Variants in ELF5 observed in about 807,000 individuals in gnomAD.
ELF5 encodes the protein ETS-related transcription factor Elf-5.
Under a neutral mutation model 38.2 loss-of-function variants are expected in ELF5, and 31 were observed. The observed-to-expected ratio is 0.81, with a 90% CI of 0.61 to 1.10. The LOEUF (loss-of-function observed/expected upper bound fraction) is 1.10, where lower values mean the gene tolerates loss of function less well. Ranked by LOEUF, ELF5 falls within the 50% of genes least tolerant of loss-of-function variation. The pLI is 0.00. For missense variants in ELF5, 300 were observed against 306.6 expected (o/e 0.98, Z 0.16); for synonymous variants, 121 against 112.5 (o/e 1.08, Z -0.48).
At chr11:34,501,992 G>A (rs1850483297) in intron 2 of ELF5, among the ~76,000 whole-genome samples, 1 of 152,104 alleles carries the variant, frequency 6.6e-6, no homozygotes, top group African/African-American at 2.4e-5. Flanking sequence ...AGCTTGAGAT[G>A]GAGTTTTGTT....
intron 2 of ELF5, among the ~76,000 whole-genome samples, chr11:34,503,166 C>T (rs1850512971): frequency 6.7e-6 from 1 of 148,616 alleles, no homozygotes; most frequent in Non-Finnish European, 1.5e-5. Flanking sequence ...TGAAACTAAT[C>T]CTTTTTTTTT....
Position 34,497,811 on chromosome 11 carries a change from T to C in ELF5, c.122-4099A>G, listed in dbSNP as rs1424571882. Among the ~76,000 whole-genome samples, 6 of 152,226 alleles carry C rather than the reference T, an allele frequency of 3.9e-5. No homozygotes were observed. In the East Asian group the frequency reaches 1.2e-3, roughly 29 times the overall value. ...AACACCACGGGAAGCCCAGTCAAAA[T>C]GTCTTCATGGGCTGGATCACTCCTG... On this transcript the variant is annotated intron_variant, in intron 2 of 6. Coordinates refer to ENST00000257832, the MANE Select transcript of ELF5 (RefSeq NM_001422.4).
intron 2 of ELF5, 111 bp from the exon 3 acceptor site, chr11:34,493,823 G>T (rs1454544589): frequency 1.6e-5 from 15 of 918,454 alleles, no homozygotes; most frequent in Non-Finnish European, 2.5e-5. Flanking sequence ...CCAATAAGTT[G>T]AAAGGGCCTC....
chr11:34,487,073 C>G (rs1158466692), intron 4 of ELF5, among the ~76,000 whole-genome samples: 1 of 152,086 alleles, frequency 6.6e-6, no homozygotes, highest in East Asian at 1.9e-4. Context: ...CATACCTCCC[C>G]TTGTGCCCAT....
At chr11:34,486,109 G>C (rs73438709) in intron 4 of ELF5, among the ~76,000 whole-genome samples, 1 of 152,082 alleles carries the variant, frequency 6.6e-6, no homozygotes, top group Non-Finnish European at 1.5e-5. Context: ...GCTGGGGTGG[G>C]GGCCTGAGTT....
intron 1 of ELF5, among the ~76,000 whole-genome samples, chr11:34,510,310 TG>T (rs1850721390): frequency 6.9e-6 from 1 of 144,660 alleles, no homozygotes; most frequent in African/African-American, 2.5e-5. Flanking sequence ...CAGAAAAAGG[TG>T]TTTTTTTTTT....
chr11:34,500,126 G>A (rs559931116), intron 2 of ELF5, among the ~76,000 whole-genome samples: 1 of 152,264 alleles, frequency 6.6e-6, no homozygotes, highest in East Asian at 1.9e-4. Context: ...ATCTAGCTGA[G>A]GAAAAACTAC....
At chr11:34,480,391 T>TGAGAGGAATGAGGAGA in intron 6 of ELF5, 77 bp from the exon 7 acceptor site, 1 of 1,130,694 alleles carries the variant, frequency 8.8e-7, no homozygotes, top group Non-Finnish European at 1.3e-6. Flanking sequence ...CACTGTCTCC[T>TGAGAGGAATGAGGAGA]CATTCCTCTC....
chr11:34,484,747 A>T (rs917031405), intron 4 of ELF5, among the ~76,000 whole-genome samples: 2 of 151,966 alleles, frequency 1.3e-5, no homozygotes, highest in African/African-American at 4.8e-5. Context: ...TCACAGACTG[A>T]CCCCCATCCA....
intron 2 of ELF5, among the ~76,000 whole-genome samples, chr11:34,501,689 G>C (rs1255967037): frequency 6.6e-6 from 1 of 151,986 alleles, no homozygotes; most frequent in Non-Finnish European, 1.5e-5. Flanking sequence ...AGAGTATTTT[G>C]CAATCTGGAC....
intron 4 of ELF5, 91 bp downstream of exon 4, chr11:34,489,918 G>C: frequency 2.0e-6 from 3 of 1,476,780 alleles, no homozygotes; most frequent in Admixed American, 1.7e-5. Context: ...TGGTTCATCA[G>C]CTTTTCAGTA....
intron 3 of ELF5, among the ~76,000 whole-genome samples, chr11:34,491,122 A>G (rs1159433618): frequency 1.3e-5 from 2 of 152,178 alleles, no homozygotes; most frequent in African/African-American, 4.8e-5. Flanking sequence ...ATGGGGTAGT[A>G]TAAGGCATAC....
chr11:34,497,819 T>A (rs1191978654), intron 2 of ELF5, among the ~76,000 whole-genome samples: 1 of 152,234 alleles, frequency 6.6e-6, no homozygotes, highest in East Asian at 1.9e-4. Flanking sequence ...AATGTCTTCA[T>A]GGGCTGGATC....
intron 2 of ELF5, among the ~76,000 whole-genome samples, chr11:34,494,391 T>G (rs1383890276): frequency 6.6e-6 from 1 of 152,216 alleles, no homozygotes; most frequent in Non-Finnish European, 1.5e-5. Context: ...TTATTAGACA[T>G]TGCCCAGAGT....
chr11:34,480,887 C>T lies in ELF5; in HGVS notation c.556G>A (p.Glu186Lys). Residue 186 changes from glutamate (E) to lysine (K), a missense_variant, in exon 6 of 7, where the codon GAA becomes AAA. Transcript: ENST00000257832. Reference protein sequence around the residue: ...PEENCGILEWEDREQGIFRVV... With the variant: ...PEENCGILEWKDREQGIFRVV... Reference sequence around the variant, plus strand: ...CGAAAAATTCCTTGTTCCCTATCTTCCCATTCCAGAATGCCACAGTTTTCT... The same window carrying T: ...CGAAAAATTCCTTGTTCCCTATCTTTCCATTCCAGAATGCCACAGTTTTCT... 6.2e-7 allele frequency: 1 copy of T among 1,614,152 alleles called. No homozygotes were observed. The highest frequency in any genetic ancestry group is 8.5e-7 in the Non-Finnish European group (1 of 1,180,030).
chr11:34,509,038 G>A (rs999544499), intron 1 of ELF5, among the ~76,000 whole-genome samples: 9 of 152,114 alleles, frequency 5.9e-5, no homozygotes, highest in African/African-American at 1.7e-4. Flanking sequence ...ACCATCAAAT[G>A]TGCATGAGAC....
At chr11:34,488,437 AC>A (rs1276095637) in intron 4 of ELF5, among the ~76,000 whole-genome samples, 2 of 152,132 alleles carry the variant, frequency 1.3e-5, no homozygotes, top group African/African-American at 4.8e-5. Flanking sequence ...TTCAGTTTCT[AC>A]CCCTATAAAA....
intron 4 of ELF5, among the ~76,000 whole-genome samples, chr11:34,486,625 G>C (rs1278275280): frequency 6.6e-6 from 1 of 152,210 alleles, no homozygotes; most frequent in Non-Finnish European, 1.5e-5. Context: ...AAAAGCACAG[G>C]CTTTGAGGAA....
At chr11:34,485,803 G>A (rs1849977299) in intron 4 of ELF5, among the ~76,000 whole-genome samples, 1 of 152,136 alleles carries the variant, frequency 6.6e-6, no homozygotes, top group Admixed American at 6.5e-5. Flanking sequence ...TGTTAATACT[G>A]AGGCAGGTTC....
Sources: allele counts gnomAD v4.1 joint callset (sites outside exome capture counted in the v4.1 genomes callset), GRCh38; gene constraint gnomAD v4.1.1; transcripts MANE v1.5; gene names NCBI Gene and HGNC (gene_info 2026-07-23, HGNC 2026-07-21).